The following STK31 variants were observed in gnomAD, a reference collection of about 807,000 sequenced individuals.
STK31 encodes the protein serine/threonine kinase 31, also known as serine/threonine-protein kinase 31.
In STK31, 89 loss-of-function variants were observed where a neutral mutation model predicts 129.7. The observed-to-expected ratio is 0.69, with a 90% CI of 0.58 to 0.82. STK31 has a LOEUF of 0.82. STK31 is among the 40% of genes least tolerant of loss of function. The pLI, the probability that STK31 is intolerant of heterozygous loss-of-function variation, is 0.00. For missense variants in STK31, 1,187 were observed against 1,176.4 expected (o/e 1.01, Z -0.13); for synonymous variants, 448 against 395.3 (o/e 1.13, Z -1.58).
At chr7:23,830,740 C>T (rs991432305) in intron 23 of STK31, among the ~76,000 whole-genome samples, 2 of 151,970 alleles carry the variant, frequency 1.3e-5, no homozygotes, top group Non-Finnish European at 2.9e-5. Context: ...CTGCCTCAGC[C>T]TCTTGAGTAG....
At chr7:23,750,662 C>G (rs574482333) in intron 8 of STK31, among the ~76,000 whole-genome samples, 1 of 152,244 alleles carries the variant, frequency 6.6e-6, no homozygotes, top group African/African-American at 2.4e-5. Context: ...CTCGTGAATC[C>G]TAGTTTGAAC....
chr7:23,824,812 T>C (rs1253560485), intron 23 of STK31, among the ~76,000 whole-genome samples: 2 of 151,426 alleles, frequency 1.3e-5, no homozygotes, highest in Non-Finnish European at 3.0e-5. Context: ...CATGAAGCGT[T>C]GTTGAATTTT....
chr7:23,751,048 C>G (rs1788679797), intron 8 of STK31, among the ~76,000 whole-genome samples: 1 of 152,194 alleles, frequency 6.6e-6, no homozygotes, highest in Non-Finnish European at 1.5e-5. Context: ...TTCCTAGCCT[C>G]TGGTATCTAT....
At chr7:23,814,146 CTTATTTTTT>C (rs971064193) in intron 22 of STK31, among the ~76,000 whole-genome samples, 2 of 98,916 alleles carry the variant, frequency 2.0e-5, no homozygotes, top group Non-Finnish European at 3.8e-5. Context: ...ATCTGGCTCA[CTTATTTTTT>C]TTTTTTTTTC....
intron 1 of STK31, among the ~76,000 whole-genome samples, chr7:23,711,080 A>G (rs1785926920): frequency 6.6e-6 from 1 of 152,154 alleles, no homozygotes; most frequent in East Asian, 1.9e-4. Flanking sequence ...ATGAGGAGTT[A>G]ATGTTTTCCT....
intron 15 of STK31, 121 bp from the exon 16 acceptor site, chr7:23,781,298 G>A (rs1372835349): frequency 3.1e-6 from 2 of 647,956 alleles, no homozygotes; most frequent in African/African-American, 1.9e-5. Flanking sequence ...GGTCTTTTAT[G>A]TGCTAGGTAC....
intron 15 of STK31, among the ~76,000 whole-genome samples, chr7:23,772,919 C>G (rs371398153): frequency 2.0e-5 from 3 of 152,266 alleles, no homozygotes; most frequent in East Asian, 3.9e-4. Context: ...CTTCTGAGCA[C>G]TGAATTGGGG....
chr7:23,813,655 G>A (rs1231124570), intron 22 of STK31, among the ~76,000 whole-genome samples: 1 of 152,084 alleles, frequency 6.6e-6, no homozygotes, highest in Non-Finnish European at 1.5e-5. Flanking sequence ...GGCCTCCAGT[G>A]GTCCCTGCTG....
chr7:23,737,769 C>T (rs970323821), intron 8 of STK31, among the ~76,000 whole-genome samples: 4 of 152,046 alleles, frequency 2.6e-5, no homozygotes, highest in Non-Finnish European at 5.9e-5. Flanking sequence ...TTGATCTCCA[C>T]GTGTGTCTTC....
In STK31 at chr7:23,735,642, T is replaced by C. The variant is rs143101758; in HGVS notation, c.588T>C (p.Ser196=). The change falls in exon 7 of 24, where the codon AGT becomes AGC. Residue 196 remains serine (S), a synonymous_variant. Coordinates refer to ENST00000355870, the MANE Select transcript of STK31 (RefSeq NM_031414.5). ...TTATTGCTCAGGCTGAGTATGGCAG[T>C]GTGGATATAGGGGAAGAGGTGCTTA... ...GTVIAQAEYG[S]VDIGEEVLKK... 7.4e-6 allele frequency: 12 copies of C among 1,613,886 alleles called. No homozygotes were observed. The highest frequency in any genetic ancestry group is 1.0e-5 in the Non-Finnish European group (12 of 1,180,030).
In STK31 at chr7:23,790,832, A is replaced by G; in HGVS notation, c.2646A>G (p.Arg882=). The change falls in exon 22 of 24, where the codon CGA becomes CGG. Residue 882 remains arginine (R), a synonymous_variant. Coordinates refer to ENST00000355870, the MANE Select transcript of STK31 (RefSeq NM_031414.5). ...AAATATTGTTTTTGCAGAGTCAGCG[A>G]GCCTCGGTGAACATGATGGTTGGTG... ...DFDFTKSVSQ[R]ASVNMMVGDL... 1.3e-6 allele frequency: 2 copies of G among 1,592,954 alleles called. No homozygotes were observed. Among genetic ancestry groups the G allele is most frequent in the Non-Finnish European group, 1.7e-6 (2 of 1,172,760 alleles).
chr7:23,788,197 CT>C, intron 21 of STK31, 68 bp downstream of exon 21: 1 of 1,339,476 alleles, frequency 7.5e-7, no homozygotes, highest in Non-Finnish European at 1.0e-6. Flanking sequence ...TAGTTCAGCA[CT>C]TATATATAAT....
intron 16 of STK31, among the ~76,000 whole-genome samples, chr7:23,782,530 A>G (rs957304243): frequency 2.6e-5 from 4 of 152,052 alleles, no homozygotes; most frequent in Admixed American, 2.0e-4. Context: ...TACTGTGAAA[A>G]CAATAGGTAA....
At chr7:23,806,658 T>A (rs181190385) in intron 22 of STK31, among the ~76,000 whole-genome samples, 8 of 152,202 alleles carry the variant, frequency 5.3e-5, no homozygotes, top group South Asian at 2.1e-4. Context: ...CCCAGCATTT[T>A]GGGAGGCCGA....
At chr7:23,831,480 A>G (rs978344416) in intron 23 of STK31, among the ~76,000 whole-genome samples, 7 of 152,012 alleles carry the variant, frequency 4.6e-5, no homozygotes, top group African/African-American at 1.7e-4. Context: ...ATCTTTTTGC[A>G]GCATACAATT....
intron 18 of STK31, among the ~76,000 whole-genome samples, chr7:23,786,127 T>C (rs1791269335): frequency 1.3e-5 from 2 of 152,206 alleles, no homozygotes; most frequent in East Asian, 1.9e-4. Context: ...GGTGAACTTA[T>C]TATAGTCATC....
chr7:23,735,910 C>A lies in STK31; in HGVS notation c.842+14C>A. The A allele has an allele frequency of 1.3e-6, 2 of 1,536,002 alleles. No homozygotes were observed. The highest frequency in any genetic ancestry group is 2.5e-5 in the South Asian group (2 of 80,000). On this transcript the variant is annotated intron_variant, in intron 7 of 23. Coordinates refer to ENST00000355870, the MANE Select transcript of STK31 (RefSeq NM_031414.5). ...AACATTTCCAAAGTAAGAATTTAGT[C>A]TTCACTAATTTCTAATTGATGGTAG...
At chr7:23,730,878 A>ATATATATATTTT in intron 6 of STK31, among the ~76,000 whole-genome samples, 1 of 59,542 alleles carries the variant, frequency 1.7e-5, no homozygotes, top group Admixed American at 2.7e-4. Flanking sequence ...ATATATATAT[A>ATATATATATTTT]TTTTTTTTTT....
At chr7:23,785,412 AT>A (rs1466229943) in intron 17 of STK31, 65 bp from the exon 18 acceptor site, 16 of 1,577,818 alleles carry the variant, frequency 1.0e-5, no homozygotes, top group African/African-American at 1.4e-5. Context: ...GTAACTAATT[AT>A]TTTGATGATT....
Sources: gnomAD v4.1 joint callset for allele counts (sites outside exome capture counted in the v4.1 genomes callset) on GRCh38, gnomAD v4.1.1 for gene constraint, MANE v1.5 for transcripts, NCBI Gene and HGNC (gene_info 2026-07-23, HGNC 2026-07-21) for gene names.